Variants in ZFHX3 observed in about 807,000 individuals in gnomAD.
ZFHX3 encodes zinc finger homeobox protein 3.
A neutral mutation model predicts 279.1 loss-of-function variants in ZFHX3; 42 were observed. The observed-to-expected ratio is 0.15, with a 90% confidence interval of 0.12 to 0.19. ZFHX3 has a LOEUF of 0.19. Ranked by LOEUF, ZFHX3 falls within the 10% of genes least tolerant of loss-of-function variation. The probability of loss-of-function intolerance (pLI) is 1.00; values close to 1 mark genes in which losing one functional copy is unlikely to be tolerated. For missense variants in ZFHX3, 4,981 were observed against 4,754.0 expected (o/e 1.05, Z -1.40); for synonymous variants, 2,293 against 1,957.8 (o/e 1.17, Z -4.52).
intron 3 of ZFHX3, among the ~76,000 whole-genome samples, chr16:73,352,989 G>A (rs954649640): frequency 6.6e-6 from 1 of 152,154 alleles, no homozygotes; most frequent in Admixed American, 6.5e-5. Flanking sequence ...AGTTGCTGAT[G>A]AGGAGATGTG....
At chr16:73,421,460 G>C (rs1166173349) in intron 3 of ZFHX3, 1 of 152,194 alleles carries the variant, frequency 6.6e-6, no homozygotes, top group Non-Finnish European at 1.5e-5. Context: ...AGATTCTTTT[G>C]AATGAATTTG....
chr16:72,840,037 T>C (rs556600710), intron 4 of ZFHX3, among the ~76,000 whole-genome samples: 1 of 152,156 alleles, frequency 6.6e-6, no homozygotes, highest in South Asian at 2.1e-4. Context: ...AATTAAAAAA[T>C]TTAACAGTTT....
At chr16:73,695,013 G>A (rs553519655) in intron 1 of ZFHX3, among the ~76,000 whole-genome samples, 12 of 152,328 alleles carry the variant, frequency 7.9e-5, no homozygotes, top group African/African-American at 2.6e-4. Flanking sequence ...CAAGCCAGGC[G>A]AGGGTAACTT....
chr16:73,848,232 G>C, intron 1 of ZFHX3, among the ~76,000 whole-genome samples: 1 of 152,116 alleles, frequency 6.6e-6, no homozygotes, highest in East Asian at 1.9e-4. Context: ...AGGACCAGTA[G>C]ACACTAGACT....
intron 1 of ZFHX3, among the ~76,000 whole-genome samples, chr16:73,874,251 G>A (rs144773282): frequency 2.6e-5 from 4 of 151,938 alleles, no homozygotes; most frequent in Non-Finnish European, 4.4e-5. Context: ...GACTTCAAAC[G>A]GTAAAAATTT....
At chr16:73,101,760 C>A (rs1966234081) in intron 7 of ZFHX3, among the ~76,000 whole-genome samples, 2 of 151,634 alleles carry the variant, frequency 1.3e-5, no homozygotes, top group Admixed American at 1.3e-4. Context: ...TTCTTGACTT[C>A]TTTATTTTTG....
At chr16:72,829,982 C>G in intron 4 of ZFHX3, 123 bp from the exon 5 acceptor site, 1 of 985,190 alleles carries the variant, frequency 1.0e-6, no homozygotes, top group South Asian at 1.5e-5. Context: ...CCTTCTCTTT[C>G]CAGAGGCCCC....
At chr16:72,806,511 A>G (rs1018768223) in intron 7 of ZFHX3, among the ~76,000 whole-genome samples, 3 of 152,178 alleles carry the variant, frequency 2.0e-5, no homozygotes, top group Non-Finnish European at 4.4e-5. Context: ...CTATCATCTC[A>G]CAGGGCTTGG....
chr16:73,343,176 A>T (rs1213533634), intron 3 of ZFHX3, among the ~76,000 whole-genome samples: 1 of 151,334 alleles, frequency 6.6e-6, no homozygotes, highest in Non-Finnish European at 1.5e-5. Context: ...GGAAAGCTAA[A>T]ATGTTGTAGG....
At position 73,267,482 on chromosome 16, in the gene ZFHX3, T is replaced by C. The variant is rs371931383; in HGVS notation, c.-1193-10346A>G. Among the ~76,000 whole-genome samples the C allele has an allele frequency of 1.3e-4, 20 of 152,292 alleles. 1 individual carries two copies. The South Asian group carries it at 1.5e-3, about 11-fold the overall frequency. Reference sequence around the variant, plus strand: ...CTAACCAGGCTCAGATCTGTATTTATACAGCATCCCAGTCTTACAAATTGA... The same window carrying C: ...CTAACCAGGCTCAGATCTGTATTTACACAGCATCCCAGTCTTACAAATTGA... On this transcript the variant is annotated intron_variant, in intron 4 of 17. Coordinates refer to the ZFHX3 transcript ENST00000641206.
chr16:73,181,100 GT>G (rs1460428546), intron 5 of ZFHX3, among the ~76,000 whole-genome samples: 203 of 145,390 alleles, frequency 1.4e-3, no homozygotes, highest in Admixed American at 2.4e-3. Flanking sequence ...GTTTTGTTTT[GT>G]TTTGTTTTGT....
chr16:73,313,386 C>A (rs2015372571), intron 4 of ZFHX3, among the ~76,000 whole-genome samples: 1 of 152,134 alleles, frequency 6.6e-6, no homozygotes, highest in Non-Finnish European at 1.5e-5. Flanking sequence ...TAATAGTCAT[C>A]ATCATCACAA....
intron 4 of ZFHX3, among the ~76,000 whole-genome samples, chr16:72,879,898 AG>A (rs2038416710): frequency 6.6e-6 from 1 of 152,178 alleles, no homozygotes; most frequent in Non-Finnish European, 1.5e-5. Context: ...GCCAGCAAGA[AG>A]GTTTCGGTGA....
chr16:73,032,013 C>T, intron 1 of ZFHX3, among the ~76,000 whole-genome samples: 1 of 152,130 alleles, frequency 6.6e-6, no homozygotes, highest in Non-Finnish European at 1.5e-5. Flanking sequence ...ATGTGTCCTA[C>T]TCTAGTAGGG....
chr16:73,286,890 C>CCAG (rs2014619220), intron 4 of ZFHX3, among the ~76,000 whole-genome samples: 1 of 107,432 alleles, frequency 9.3e-6, no homozygotes, highest in African/African-American at 3.7e-5. Flanking sequence ...TGGTGTGTGG[C>CCAG]TGTGTAGGTG....
At chr16:73,574,677 C>T (rs748889234) in intron 2 of ZFHX3, among the ~76,000 whole-genome samples, 23 of 152,274 alleles carry the variant, frequency 1.5e-4, no homozygotes, top group Admixed American at 5.2e-4. Context: ...TGGATTTCTA[C>T]GGCAGGTCTT....
intron 3 of ZFHX3, among the ~76,000 whole-genome samples, chr16:73,399,193 G>T (rs9922767): frequency 0.6 from 90,793 of 151,918 alleles, 28,417 homozygotes; most frequent in Non-Finnish European, 0.71. Context: ...TGGATCTTAA[G>T]CAGCCCTACA....
At chr16:72,836,493 TTAAATCAAGG>T in intron 4 of ZFHX3, among the ~76,000 whole-genome samples, 1 of 152,332 alleles carries the variant, frequency 6.6e-6, no homozygotes, top group Non-Finnish European at 1.5e-5. Flanking sequence ...GAATTTTCCC[TTAAATCAAGG>T]TGGTTTTTGC....
At chr16:73,177,538 T>C (rs1267863836) in intron 5 of ZFHX3, among the ~76,000 whole-genome samples, 1 of 152,214 alleles carries the variant, frequency 6.6e-6, no homozygotes, top group East Asian at 1.9e-4. Flanking sequence ...ACTTTAAAGA[T>C]GGGAAGAACA....
Sources: gnomAD v4.1 joint callset for allele counts (sites outside exome capture counted in the v4.1 genomes callset) on GRCh38, gnomAD v4.1.1 for gene constraint, MANE v1.5 for transcripts, NCBI Gene and HGNC (gene_info 2026-07-23, HGNC 2026-07-21) for gene names.